Variants in TTC28 observed in about 807,000 individuals in gnomAD.
TTC28 encodes tetratricopeptide repeat protein 28.
In TTC28, 61 loss-of-function variants were observed where a neutral mutation model predicts 198.0. The observed-to-expected ratio is 0.31, with a 90% confidence interval of 0.25 to 0.38. TTC28 has a LOEUF of 0.38. TTC28 is among the 10% of genes least tolerant of loss of function. The pLI is 1.00. For missense variants in TTC28, 2,678 were observed against 3,164.0 expected, an observed-to-expected ratio of 0.85 and a Z score of 3.69; for synonymous variants, 1,171 against 1,297.8, an observed-to-expected ratio of 0.90 and a Z score of 2.10.
At chr22:28,656,579 T>G (rs1308626313) in intron 1 of TTC28, among the ~76,000 whole-genome samples, 1 of 152,198 alleles carries the variant, frequency 6.6e-6, no homozygotes, top group Non-Finnish European at 1.5e-5. Flanking sequence ...AGCAATAATT[T>G]AACTGGCAAA....
chr22:28,556,473 G>A lies in TTC28; in HGVS notation c.381+73079C>T, dbSNP rs987816269. 5.3e-5 allele frequency among the ~76,000 whole-genome samples: 8 copies of A among 152,092 alleles called. No individual in the cohort carries two copies. In the South Asian group the frequency reaches 6.2e-4, roughly 12 times the overall value. On this transcript the variant is annotated intron_variant, in intron 2 of 22. Coordinates refer to ENST00000397906, the MANE Select transcript of TTC28 (RefSeq NM_001145418.2). ...TGCATGCAGATACTATAGCTTCCAC[G>A]TTTGCTACTGAGAAATCTAACATCA...
In TTC28 at chr22:28,391,052, C is replaced by G. The variant is rs1023894632; in HGVS notation, c.382-84409G>C. ...GGCAGGCCTGGTGGTGACAAAATCT[C>G]TCAGCATTTGCTTGTCTGTAAAGGA... On this transcript the variant is annotated intron_variant, in intron 2 of 22. Coordinates refer to ENST00000397906, the MANE Select transcript of TTC28 (RefSeq NM_001145418.2). 3.6e-3 allele frequency among the ~76,000 whole-genome samples: 551 copies of G among 152,170 alleles called. 1 individual carries two copies. Among genetic ancestry groups the G allele is most frequent in the Non-Finnish European group, 6.4e-3 (435 of 67,998 alleles).
chr22:27,995,560 G>A (rs1192216656), intron 17 of TTC28, among the ~76,000 whole-genome samples: 3 of 152,190 alleles, frequency 2.0e-5, no homozygotes, highest in African/African-American at 7.2e-5. Flanking sequence ...AGATGTTGGG[G>A]CAGGCTGATC....
intron 14 of TTC28, among the ~76,000 whole-genome samples, chr22:28,004,093 C>G (rs1033162583): frequency 2.6e-5 from 4 of 152,238 alleles, no homozygotes; most frequent in Admixed American, 2.6e-4. Context: ...AGCATGGCAG[C>G]CCCAGAACGG....
intron 8 of TTC28, among the ~76,000 whole-genome samples, chr22:28,104,529 G>A (rs1277024874): frequency 1.3e-5 from 2 of 152,176 alleles, no homozygotes; most frequent in Admixed American, 6.5e-5. Context: ...ATGCCTGTGT[G>A]AGAAGGACTT....
At chr22:28,567,084 G>C (rs779448308) in intron 2 of TTC28, among the ~76,000 whole-genome samples, 2 of 151,954 alleles carry the variant, frequency 1.3e-5, no homozygotes, top group Non-Finnish European at 2.9e-5. Flanking sequence ...GCATGGTGGC[G>C]GACGCCTGTA....
intron 13 of TTC28, among the ~76,000 whole-genome samples, chr22:28,023,901 G>A (rs1938713806): frequency 6.6e-6 from 1 of 152,196 alleles, no homozygotes; most frequent in Non-Finnish European, 1.5e-5. Context: ...ACCCCTCATG[G>A]TTGCTGCAGG....
chr22:27,982,989 T>C lies in TTC28; in HGVS notation c.6678A>G (p.Pro2226=). 1.3e-6 allele frequency: 2 copies of C among 1,551,716 alleles called. No individual in the cohort carries two copies. The highest frequency in any genetic ancestry group is 1.2e-5 in the South Asian group (1 of 84,060). ...GCTTTGGTTTAACAGTGACTGGTGA[T>C]GGCTGACTCTTCTGATGGGAGAGAA... The part of the protein sequence containing the change: ...RPVLSHQKSQ[P]SPVTVKPKPP... The change falls in exon 23 of 23, where the codon CCA becomes CCG. Residue 2226 remains proline (P), a synonymous_variant. Coordinates refer to ENST00000397906, the MANE Select transcript of TTC28 (RefSeq NM_001145418.2). This position sits in a 1 kb window ranked among gnomAD's most constrained non-coding sequence, Gnocchi z 5.2.
chr22:28,457,973 TTTAA>T (rs1337119044), intron 2 of TTC28, among the ~76,000 whole-genome samples: 2 of 152,098 alleles, frequency 1.3e-5, no homozygotes, highest in Non-Finnish European at 2.9e-5. Flanking sequence ...GTGGTCTTTA[TTTAA>T]TTATTTTTAA....
intron 6 of TTC28, among the ~76,000 whole-genome samples, chr22:28,144,893 T>A (rs1458431466): frequency 2.0e-5 from 3 of 152,212 alleles, no homozygotes; most frequent in Non-Finnish European, 4.4e-5. Flanking sequence ...CTGGTTTGTA[T>A]TTGAAAAAGC....
At chr22:28,098,333 T>C (rs907636465) in intron 10 of TTC28, among the ~76,000 whole-genome samples, 8 of 152,176 alleles carry the variant, frequency 5.3e-5, no homozygotes, top group African/African-American at 1.7e-4. Context: ...ACGCTAGTGG[T>C]GAGAGGGAAC....
chr22:28,042,849 C>T (rs1939708822), intron 12 of TTC28, among the ~76,000 whole-genome samples: 1 of 152,138 alleles, frequency 6.6e-6, no homozygotes, highest in Admixed American at 6.5e-5. Context: ...CGATGTGAGT[C>T]TTTAAATCAG....
chr22:28,436,659 T>C (rs1293073570), intron 2 of TTC28, among the ~76,000 whole-genome samples: 1 of 152,242 alleles, frequency 6.6e-6, no homozygotes, highest in Non-Finnish European at 1.5e-5. Flanking sequence ...ACTTTTTATA[T>C]GCAAGGAACT....
intron 5 of TTC28, among the ~76,000 whole-genome samples, chr22:28,292,026 G>A (rs1201917376): frequency 4.1e-5 from 6 of 146,060 alleles, no homozygotes; most frequent in Non-Finnish European, 9.3e-5. Context: ...TTTATAATTA[G>A]TTATTTTCAT....
intron 2 of TTC28, among the ~76,000 whole-genome samples, chr22:28,571,305 A>G (rs964838917): frequency 1.3e-4 from 20 of 152,240 alleles, no homozygotes; most frequent in Non-Finnish European, 1.9e-4. Flanking sequence ...GAAACAATCT[A>G]AATAATTACA....
At chr22:28,410,229 T>A (rs2047061269) in intron 2 of TTC28, among the ~76,000 whole-genome samples, 1 of 152,190 alleles carries the variant, frequency 6.6e-6, no homozygotes, top group East Asian at 1.9e-4. Context: ...GCCTGTGCTA[T>A]CTTTTAAGAC....
intron 5 of TTC28, among the ~76,000 whole-genome samples, chr22:28,165,510 T>C (rs1434851560): frequency 6.6e-6 from 1 of 151,610 alleles, no homozygotes; most frequent in Non-Finnish European, 1.5e-5. Flanking sequence ...CAGAAGAGAG[T>C]AGGGGCCAAT....
intron 2 of TTC28, among the ~76,000 whole-genome samples, chr22:28,366,995 C>T (rs973986557): frequency 6.6e-6 from 1 of 151,978 alleles, no homozygotes; most frequent in African/African-American, 2.4e-5. Flanking sequence ...TAGCTGGAGA[C>T]TTCAATAGCC....
rs540472949 is a variant in TTC28 at position 28,169,256 on chromosome 22, T to A, written c.934-5657A>T. On this transcript the variant is annotated intron_variant, in intron 5 of 22. Coordinates refer to ENST00000397906, the MANE Select transcript of TTC28 (RefSeq NM_001145418.2). ...TAAACTAGTTCAACCATTGTGGAAG[T>A]CGGTGTGGTGATTCCTCAGGGATCT... 1.0e-3 allele frequency among the ~76,000 whole-genome samples: 157 copies of A among 152,266 alleles called. 1 individual carries two copies. The highest frequency in any genetic ancestry group is 3.6e-3 in the African/African-American group (149 of 41,558).
Sources: gnomAD v4.1 joint callset for allele counts (sites outside exome capture counted in the v4.1 genomes callset) on GRCh38, gnomAD v4.1.1 for gene constraint, Gnocchi (gnomAD v3.1) non-coding constraint, MANE v1.5 for transcripts, NCBI Gene and HGNC (gene_info 2026-07-23, HGNC 2026-07-21) for gene names.